The following ANO4 variants were observed in gnomAD, a reference collection of about 807,000 sequenced individuals.
ANO4 encodes the protein anoctamin 4.
ANO4 carries 69 observed loss-of-function variants against 141.9 expected under a neutral mutation model. That is an observed-to-expected ratio of 0.49 (90% CI 0.40 to 0.59). The LOEUF (loss-of-function observed/expected upper bound fraction) is 0.59, where lower values mean the gene tolerates loss of function less well. Among genes scored for constraint, ANO4 ranks in the 20% least tolerant of loss-of-function variants. The probability of loss-of-function intolerance (pLI) is 0.00; values close to 1 mark genes in which losing one functional copy is unlikely to be tolerated. For synonymous variants in ANO4, 350 were observed against 394.3 expected, an observed-to-expected ratio of 0.89 and a Z score of 1.33; for missense variants, 894 against 1,162.2, an observed-to-expected ratio of 0.77 and a Z score of 3.36.
chr12:101,079,325 C>T (rs757883526), intron 15 of ANO4, 50 bp downstream of exon 15: 1 of 1,471,550 alleles, frequency 6.8e-7, no homozygotes, highest in African/African-American at 1.6e-5. Flanking sequence ...CACCCAGAAC[C>T]ACACGACCCC....
chr12:100,943,030 G>T (rs1262719307), intron 5 of ANO4, among the ~76,000 whole-genome samples: 2 of 152,134 alleles, frequency 1.3e-5, no homozygotes, highest in Admixed American at 1.3e-4. Context: ...AGACATTCAG[G>T]CTATTTTTTT....
In ANO4 at chr12:100,841,967, G is replaced by A. The variant is rs140680857; in HGVS notation, c.-141+46940G>A. 2.8e-3 allele frequency among the ~76,000 whole-genome samples: 423 copies of A among 150,276 alleles called. 2 individuals are homozygous for A. The highest frequency in any genetic ancestry group is 9.5e-3 in the African/African-American group (390 of 40,880). ...GGGGATCTGGAATCTTCCTGATAGC[G>A]AGTCAGCAAGATTGGTGGGCCCAAC... is the stretch of plus-strand genomic sequence containing the variant. On this transcript the variant is annotated intron_variant, in intron 1 of 27. Transcript: ENST00000392977.
Position 101,126,959 on chromosome 12 carries a change from A to G in ANO4, c.2757A>G (p.Arg919=), listed in dbSNP as rs745640426. The change falls in exon 27 of 28, where the codon AGA becomes AGG. Residue 919 remains arginine (R), a synonymous_variant. Coordinates refer to ENST00000392977, the MANE Select transcript of ANO4 (RefSeq NM_001286615.2). Reference sequence around the variant, plus strand: ...AAGACCTAAGGGATCGAATGAGAAGAGAGAAGTACTTGATTCAGGAGATGA... The same window carrying G: ...AAGACCTAAGGGATCGAATGAGAAGGGAGAAGTACTTGATTCAGGAGATGA... ...LPKDLRDRMR[R]EKYLIQEMMY... is the part of the protein sequence containing the mutation. The G allele has an allele frequency of 3.7e-6, 6 of 1,614,080 alleles. No homozygotes were observed. The African/African-American group carries it at 8.0e-5, about 22-fold the overall frequency.
intron 1 of ANO4, among the ~76,000 whole-genome samples, chr12:100,835,810 A>G (rs1386716896): frequency 1.3e-5 from 2 of 152,120 alleles, no homozygotes. Context: ...TGCTACTGCC[A>G]TCTAGTATTA....
At chr12:100,837,428 C>T (rs2036987939) in intron 1 of ANO4, among the ~76,000 whole-genome samples, 1 of 152,112 alleles carries the variant, frequency 6.6e-6, no homozygotes. Context: ...CACTCCCTAT[C>T]TGCTATCGTA....
intron 14 of ANO4, among the ~76,000 whole-genome samples, chr12:101,074,985 G>T (rs1230344669): frequency 6.6e-6 from 1 of 152,122 alleles, no homozygotes; most frequent in African/African-American, 2.4e-5. Flanking sequence ...ACTAGTCATA[G>T]ATATGATCTG....
intron 5 of ANO4, among the ~76,000 whole-genome samples, chr12:100,968,928 G>C (rs772216187): frequency 6.6e-6 from 1 of 152,172 alleles, no homozygotes; most frequent in Non-Finnish European, 1.5e-5. Context: ...TCTGATCTAA[G>C]CAGCTGTGCC....
At chr12:100,947,166 C>T (rs531408719) in intron 5 of ANO4, among the ~76,000 whole-genome samples, 1 of 152,172 alleles carries the variant, frequency 6.6e-6, no homozygotes, top group African/African-American at 2.4e-5. Context: ...GAAGTTTGGT[C>T]AATAAAGAGT....
chr12:100,769,376 T>C (rs1275057431), intron 3 of ANO4, among the ~76,000 whole-genome samples: 3 of 152,164 alleles, frequency 2.0e-5, no homozygotes, highest in African/African-American at 7.2e-5. Context: ...TAATTGTTAC[T>C]TTGGTGTTAT....
chr12:100,733,203 T>C (rs552757610), intron 1 of ANO4, among the ~76,000 whole-genome samples: 3 of 152,304 alleles, frequency 2.0e-5, no homozygotes, highest in South Asian at 4.1e-4. Flanking sequence ...TACAAGACAC[T>C]TTGCAACCTG....
At chr12:100,740,052 C>T in exon 3 of ANO4, 1 of 702,596 alleles carries the variant, frequency 1.4e-6, no homozygotes, top group Non-Finnish European at 2.6e-6. Context: ...TCTATCACTC[C>T]AGTGCCTTCT....
At chr12:101,080,780 T>C (rs898838860) in intron 15 of ANO4, among the ~76,000 whole-genome samples, 2 of 150,530 alleles carry the variant, frequency 1.3e-5, no homozygotes, top group Non-Finnish European at 3.0e-5. Context: ...TGAGCCAAGA[T>C]TGCACCACTG....
intron 1 of ANO4, among the ~76,000 whole-genome samples, chr12:100,880,780 C>T (rs888854344): frequency 2.6e-5 from 4 of 152,184 alleles, no homozygotes; most frequent in Admixed American, 6.5e-5. Flanking sequence ...GTCTATATGG[C>T]GAATGTAACT....
At chr12:100,951,974 A>G (rs573656783) in intron 5 of ANO4, among the ~76,000 whole-genome samples, 1 of 152,172 alleles carries the variant, frequency 6.6e-6, no homozygotes, top group Non-Finnish European at 1.5e-5. Context: ...ATCTCCAAGC[A>G]TTGTCACATG....
In ANO4 at chr12:101,099,618, G is replaced by A. The variant is rs1431067550; in HGVS notation, c.2047G>A (p.Glu683Lys). The A allele has an allele frequency of 6.2e-7, 1 of 1,606,308 alleles. No homozygotes were observed. The highest frequency in any genetic ancestry group is 2.2e-5 in the East Asian group (1 of 44,758). The change falls in exon 22 of 28, where the codon GAA becomes AAA. Residue 683 changes from glutamate (E) to lysine (K), a missense_variant. Glu to Lys is a moderately conservative substitution (Grantham distance 56, BLOSUM62 1). Around this residue, in one of 2 missense-constraint regions of ANO4, gnomAD observed 637 missense variants for 909.2 expected, o/e 0.70. Transcript: ENST00000392977. ...GTGGACTAGAAGAAAAGTACGACAA[G>A]AACATGGACCTGAAAGGAAAATAAG... is the stretch of plus-strand genomic sequence containing the variant. ...NWWTRRKVRQ[E>K]HGPERKISFP...
chr12:100,846,523 C>T lies in ANO4; in HGVS notation c.-141+51496C>T, dbSNP rs573873029. ...ATGTAATTTGGGACTAAAGCAATAT[C>T]CTGAATTTCAGTATCTGTTGGAACC... On this transcript the variant is annotated intron_variant, in intron 1 of 27. Transcript: ENST00000392977. Among the ~76,000 whole-genome samples, 34 of 152,044 alleles carry T rather than the reference C, an allele frequency of 2.2e-4. No individual in the cohort carries two copies. The South Asian group carries it at 7.1e-3, about 32-fold the overall frequency.
intron 9 of ANO4, among the ~76,000 whole-genome samples, chr12:101,021,394 G>A (rs1454112443): frequency 1.3e-5 from 2 of 152,218 alleles, no homozygotes; most frequent in Non-Finnish European, 2.9e-5. Context: ...GTATCAGGAA[G>A]AGAAACCCCT....
At chr12:100,861,964 G>A (rs1464281083) in intron 1 of ANO4, among the ~76,000 whole-genome samples, 1 of 152,106 alleles carries the variant, frequency 6.6e-6, no homozygotes, top group East Asian at 1.9e-4. Context: ...CCACTGGAAG[G>A]TCTTCAGGGG....
chr12:100,896,702 G>C (rs951579636), intron 1 of ANO4, among the ~76,000 whole-genome samples: 1 of 152,162 alleles, frequency 6.6e-6, no homozygotes, highest in Admixed American at 6.5e-5. Context: ...AGTAAGGGGA[G>C]GTAGCAAGAA....
Sources: gnomAD v4.1 joint callset for allele counts (sites outside exome capture counted in the v4.1 genomes callset) on GRCh38, gnomAD v4.1.1 for gene constraint, gnomAD v4.1.1 regional missense constraint, MANE v1.5 for transcripts, NCBI Gene and HGNC (gene_info 2026-07-23, HGNC 2026-07-21) for gene names.